Variants in PTP4A3 observed in about 807,000 individuals in gnomAD.
PTP4A3 encodes the protein protein tyrosine phosphatase type IVA 3.
PTP4A3 carries 9 observed loss-of-function variants against 15.2 expected under a neutral mutation model. The observed-to-expected ratio is 0.59, with a 90% CI of 0.36 to 1.03. The LOEUF is 1.03. PTP4A3 is among the 50% of genes least tolerant of loss of function. PTP4A3 has a pLI of 0.02. For synonymous variants in PTP4A3, 95 were observed against 102.0 expected (o/e 0.93, Z 0.41); for missense variants, 234 against 252.1 (o/e 0.93, Z 0.49).
At chr8:141,421,060 C>T (rs1026112042) in intron 1 of PTP4A3, among the ~76,000 whole-genome samples, 4 of 152,188 alleles carry the variant, frequency 2.6e-5, no homozygotes, top group African/African-American at 7.2e-5. Flanking sequence ...AGGGATCTGT[C>T]ATCTGTGTGC....
At chr8:141,395,390 C>T (rs912416779) in intron 1 of PTP4A3, among the ~76,000 whole-genome samples, 30 of 152,226 alleles carry the variant, frequency 2.0e-4, no homozygotes. Context: ...CCGCCAGGCA[C>T]GTGCCACTCA....
intron 1 of PTP4A3, among the ~76,000 whole-genome samples, chr8:141,416,603 A>G (rs1274784217): frequency 6.6e-6 from 1 of 152,104 alleles, no homozygotes; most frequent in Non-Finnish European, 1.5e-5. Flanking sequence ...GGGTGCACCC[A>G]CGTGGGTGGG....
chr8:141,416,291 G>A (rs1008289308), intron 1 of PTP4A3, among the ~76,000 whole-genome samples: 13 of 152,112 alleles, frequency 8.5e-5, no homozygotes, highest in East Asian at 5.8e-4. Context: ...GCAGGGTCTC[G>A]GGGGCAGCAA....
intron 1 of PTP4A3, among the ~76,000 whole-genome samples, chr8:141,417,706 C>A (rs935835487): frequency 3.3e-5 from 5 of 152,024 alleles, no homozygotes; most frequent in Non-Finnish European, 7.4e-5. Flanking sequence ...GCGCCCCCGG[C>A]CCTCGCCGCG....
chr8:141,398,335 A>G (rs932368409), intron 1 of PTP4A3, among the ~76,000 whole-genome samples: 7 of 152,178 alleles, frequency 4.6e-5, no homozygotes, highest in Admixed American at 2.0e-4. Context: ...TGCTTGAGGC[A>G]CAGCCTCCAA....
At chr8:141,401,056 A>T (rs1303520852) in intron 1 of PTP4A3, among the ~76,000 whole-genome samples, 2 of 152,094 alleles carry the variant, frequency 1.3e-5, no homozygotes, top group African/African-American at 2.4e-5. Flanking sequence ...ACGGAACGGC[A>T]TCACTCTTAA....
At chr8:141,415,044 A>G in intron 1 of PTP4A3, among the ~76,000 whole-genome samples, 1 of 151,992 alleles carries the variant, frequency 6.6e-6, no homozygotes, top group Non-Finnish European at 1.5e-5. Context: ...GGGTCCACTG[A>G]GTCGCCTCCC....
chr8:141,427,057 C>G lies in PTP4A3; in HGVS notation c.317C>G (p.Ala106Gly). ...AGCTGCGTGGCTGTGCACTGCGTGG[C>G]GGGCCTGGGCCGGTGAGTGTCGGGG... Reference protein sequence around the residue: ...PGSCVAVHCVAGLGRAPVLVA... With the variant: ...PGSCVAVHCVGGLGRAPVLVA... Residue 106 changes from alanine (A) to glycine (G), a missense_variant, in exon 4 of 6, where the codon GCG becomes GGG. Physicochemically the swap from Ala to Gly is moderately conservative, Grantham distance 60. Coordinates refer to ENST00000521578, the MANE Select transcript of PTP4A3 (RefSeq NM_032611.3). The G allele has an allele frequency of 1.3e-6, 2 of 1,598,880 alleles. No homozygotes were observed. The highest frequency in any genetic ancestry group is 1.7e-6 in the Non-Finnish European group (2 of 1,179,492).
chr8:141,406,812 G>T lies in PTP4A3; in HGVS notation c.-853-14576G>T, dbSNP rs1313325864. On this transcript the variant is annotated intron_variant, in intron 1 of 5. Transcript: ENST00000521578. This position sits in a 1 kb window ranked among gnomAD's most constrained non-coding sequence, Gnocchi z 4.5. Reference sequence around the variant, plus strand: ...CACTTCGCCCTGAATCCTCCTCTGAGCCGGCTTTGCCTCCTGCTGTTCCCA... The same window carrying T: ...CACTTCGCCCTGAATCCTCCTCTGATCCGGCTTTGCCTCCTGCTGTTCCCA... Among the ~76,000 whole-genome samples the T allele has an allele frequency of 6.6e-6, 1 of 152,194 alleles. No homozygotes were observed. The highest frequency in any genetic ancestry group is 2.4e-5 in the African/African-American group (1 of 41,454).
rs1173443884 is a variant in PTP4A3 at position 141,432,381 on chromosome 8, T to C, written c.*1337T>C. ...TCCTGTGTGGAGAAAGGGCAACAGC[T>C]GTCCCGGATGGTTATTCTCTCCTTT... On this transcript the variant is annotated 3_prime_UTR_variant, in exon 6 of 6. Coordinates refer to ENST00000521578, the MANE Select transcript of PTP4A3 (RefSeq NM_032611.3). The C allele has an allele frequency of 3.9e-5, 6 of 152,252 alleles. No individual in the cohort carries two copies. The highest frequency in any genetic ancestry group is 3.3e-4 in the Admixed American group (5 of 15,290). 9.4% of individuals were successfully genotyped at this position (152,252 alleles called of 1,614,324 possible).
At chr8:141,409,162 T>TC (rs1168488374) in intron 1 of PTP4A3, among the ~76,000 whole-genome samples, 1 of 152,174 alleles carries the variant, frequency 6.6e-6, no homozygotes, top group Non-Finnish European at 1.5e-5. Flanking sequence ...CCGCTGCCTT[T>TC]CCCGAGTCCT....
intron 4 of PTP4A3, 106 bp downstream of exon 4, chr8:141,427,175 C>T: frequency 1.3e-6 from 2 of 1,492,098 alleles, no homozygotes; most frequent in Non-Finnish European, 1.8e-6. Flanking sequence ...TCCACGCGAC[C>T]TTCCCAGGAG....
intron 1 of PTP4A3, among the ~76,000 whole-genome samples, chr8:141,393,719 G>C (rs1563720862): frequency 6.6e-6 from 1 of 152,352 alleles, no homozygotes; most frequent in East Asian, 1.9e-4. Flanking sequence ...GGCCTCAGCT[G>C]GTCCCCTCTC....
intron 1 of PTP4A3, among the ~76,000 whole-genome samples, chr8:141,402,226 G>A (rs1490983745): frequency 1.3e-5 from 2 of 152,164 alleles, no homozygotes; most frequent in Non-Finnish European, 2.9e-5. Flanking sequence ...GCTGGCAGGG[G>A]CTGAAGGCAT....
At chr8:141,396,846 G>A (rs900710108) in intron 1 of PTP4A3, among the ~76,000 whole-genome samples, 6 of 152,126 alleles carry the variant, frequency 3.9e-5, no homozygotes, top group African/African-American at 7.2e-5. Context: ...GCTGACGTGC[G>A]GGTCCTGAGT....
chr8:141,402,889 G>A (rs1042027714), intron 1 of PTP4A3, among the ~76,000 whole-genome samples: 3 of 152,172 alleles, frequency 2.0e-5, no homozygotes, highest in Non-Finnish European at 4.4e-5. Flanking sequence ...GGCCTTTGGC[G>A]GATCCAGGTG....
At chr8:141,399,073 G>A (rs1389659673) in intron 1 of PTP4A3, among the ~76,000 whole-genome samples, 16 of 151,710 alleles carry the variant, frequency 1.1e-4, no homozygotes, top group African/African-American at 3.2e-4. Flanking sequence ...GGGAGGGCTC[G>A]GAGGATTCCC....
chr8:141,428,609 A>T (rs1413184395), intron 5 of PTP4A3, among the ~76,000 whole-genome samples: 1 of 152,054 alleles, frequency 6.6e-6, no homozygotes, highest in African/African-American at 2.4e-5. Context: ...GGTCTGTGTG[A>T]GAGTGTGGCC....
Position 141,427,771 on chromosome 8 carries a change from G to A in PTP4A3, c.351G>A (p.Leu117=). The change falls in exon 5 of 6, where the codon CTG becomes CTA. Residue 117 remains leucine (L), a synonymous_variant. Transcript: ENST00000521578. ...GLGRAPVLVA[L]ALIESGMKYE... is the part of the protein sequence containing the mutation. ...CCAGGGCTCCAGTCCTTGTGGCGCT[G>A]GCCCTTATTGAGAGCGGGATGAAGT... The A allele has an allele frequency of 6.4e-7, 1 of 1,551,654 alleles. No individual in the cohort carries two copies. Among genetic ancestry groups the A allele is most frequent in the East Asian group, 2.4e-5 (1 of 40,974 alleles).
Sources: gnomAD v4.1 joint callset for allele counts (sites outside exome capture counted in the v4.1 genomes callset) on GRCh38, gnomAD v4.1.1 for gene constraint, Gnocchi (gnomAD v3.1) non-coding constraint, MANE v1.5 for transcripts, NCBI Gene and HGNC (gene_info 2026-07-23, HGNC 2026-07-21) for gene names.